The following IGF2BP1 variants were observed in gnomAD, a reference collection of about 807,000 sequenced individuals.
IGF2BP1 encodes insulin-like growth factor 2 mRNA-binding protein 1.
Under a neutral mutation model 74.9 loss-of-function variants are expected in IGF2BP1, and 11 were observed. That is an observed-to-expected ratio of 0.15 (90% CI 0.09 to 0.24). The LOEUF is 0.24. Ranked by LOEUF, IGF2BP1 falls within the 10% of genes least tolerant of loss-of-function variation. The pLI, the probability that IGF2BP1 is intolerant of heterozygous loss-of-function variation, is 1.00. For missense variants in IGF2BP1, 440 were observed against 757.4 expected (o/e 0.58, Z 4.92); for synonymous variants, 287 against 281.8 (o/e 1.02, Z -0.18).
At position 49,042,342 on chromosome 17, in the gene IGF2BP1, C is replaced by G. The variant is rs771227164; in HGVS notation, c.1042C>G (p.Arg348Gly). ...RAEQEIMKKV[R>G]EAYENDVAAM... is the part of the protein sequence containing the mutation. ...CGAGCAGGAAATAATGAAGAAAGTT[C>G]GGGAGGCCTATGAGAATGATGTGGC... Residue 348 changes from arginine to glycine, a missense_variant, in exon 9 of 15, where the codon CGG becomes GGG. By Grantham distance (125) the Arg-to-Gly change is moderately radical. Coordinates refer to ENST00000290341, the MANE Select transcript of IGF2BP1 (RefSeq NM_006546.4). The G allele has an allele frequency of 6.2e-7, 1 of 1,613,886 alleles. No homozygotes were observed. The highest frequency in any genetic ancestry group is 8.5e-7 in the Non-Finnish European group (1 of 1,179,982).
At chr17:49,012,280 C>A (rs2041628775) in intron 2 of IGF2BP1, among the ~76,000 whole-genome samples, 1 of 152,136 alleles carries the variant, frequency 6.6e-6, no homozygotes, top group Non-Finnish European at 1.5e-5. Context: ...AATGGGAATT[C>A]TGTTGGAATG....
rs767367618 is a variant in IGF2BP1 at position 49,043,389 on chromosome 17, A to G, written c.1078-39A>G. The G allele has an allele frequency of 2.0e-5, 32 of 1,610,540 alleles. No homozygotes were observed. In the South Asian group the frequency reaches 3.4e-4, roughly 17 times the overall value. ...CGGGGGTCACACACAAGCCCCTGTC[A>G]GGGTGTGCTGACTCTTCCTCCTCAT... On this transcript the variant is annotated intron_variant, in intron 9 of 14. Coordinates refer to ENST00000290341, the MANE Select transcript of IGF2BP1 (RefSeq NM_006546.4).
chr17:49,041,702 C>T (rs951863012), intron 8 of IGF2BP1, among the ~76,000 whole-genome samples: 11 of 152,196 alleles, frequency 7.2e-5, no homozygotes, highest in Admixed American at 7.2e-4. Context: ...CCATATGGGG[C>T]AGGGGTGTTG....
intron 1 of IGF2BP1, among the ~76,000 whole-genome samples, chr17:48,998,763 G>A (rs2143900063): frequency 6.6e-6 from 1 of 152,318 alleles, no homozygotes; most frequent in South Asian, 2.1e-4. Flanking sequence ...GGAACGGGGA[G>A]CCCTTTCTTT....
At chr17:49,023,341 C>T (rs1050129117) in intron 2 of IGF2BP1, among the ~76,000 whole-genome samples, 1 of 152,200 alleles carries the variant, frequency 6.6e-6, no homozygotes. Context: ...CCTTCTTTCC[C>T]CATTATTTCA....
Position 49,051,460 on chromosome 17 carries a change from C to G in IGF2BP1, c.*2016C>G, listed in dbSNP as rs2042165917. ...CTTGTTTGGCCCTGATCTCTGACTT[C>G]TAGAGCCCCAGCTGCTGGCGGCTGC... On this transcript the variant is annotated 3_prime_UTR_variant, in exon 15 of 15. Coordinates refer to ENST00000290341, the MANE Select transcript of IGF2BP1 (RefSeq NM_006546.4). 1 of 152,556 alleles carries G rather than the reference C, an allele frequency of 6.6e-6. No homozygotes were observed. Among genetic ancestry groups the G allele is most frequent in the African/African-American group, 2.4e-5 (1 of 41,438 alleles). 9.5% of individuals were successfully genotyped at this position (152,556 alleles called of 1,614,324 possible). A position where few individuals can be genotyped will look rare whatever the true frequency, so the allele number is the denominator to read the frequency against.
At chr17:49,022,235 G>T (rs1049398580) in intron 2 of IGF2BP1, among the ~76,000 whole-genome samples, 3 of 152,184 alleles carry the variant, frequency 2.0e-5, no homozygotes, top group African/African-American at 7.2e-5. Context: ...CCTTCTCTAA[G>T]TGTTTGTGGA....
intron 2 of IGF2BP1, among the ~76,000 whole-genome samples, chr17:49,022,280 G>A (rs2041801899): frequency 6.6e-6 from 1 of 152,168 alleles, no homozygotes; most frequent in Non-Finnish European, 1.5e-5. Flanking sequence ...AGGGAATACG[G>A]GTTACAGTGA....
At chr17:49,003,182 A>C (rs941654968) in intron 2 of IGF2BP1, among the ~76,000 whole-genome samples, 1 of 152,234 alleles carries the variant, frequency 6.6e-6, no homozygotes, top group African/African-American at 2.4e-5. Flanking sequence ...AATACATGAC[A>C]TTAGCAATTG....
intron 5 of IGF2BP1, among the ~76,000 whole-genome samples, chr17:49,037,881 G>C (rs2042007227): frequency 2.0e-5 from 3 of 152,104 alleles, no homozygotes; most frequent in Admixed American, 2.0e-4. Context: ...ACTTTCTATT[G>C]GACTGGAAGC....
At position 49,041,509 on chromosome 17, in the gene IGF2BP1, C is replaced by G. The variant is rs1275315099; in HGVS notation, c.941+9C>G. 7 of 1,614,044 alleles carry G rather than the reference C, an allele frequency of 4.3e-6. No homozygotes were observed. The highest frequency in any genetic ancestry group is 5.1e-6 in the Non-Finnish European group (6 of 1,179,956). On this transcript the variant is annotated intron_variant, in intron 8 of 14. Transcript: ENST00000290341. ...AAAATCACCATCTCCTCGTAAGGCT[C>G]TCTTCTATTTCCCTGTTTATGAGTG...
chr17:49,008,570 T>C, intron 2 of IGF2BP1, among the ~76,000 whole-genome samples: 1 of 152,210 alleles, frequency 6.6e-6, no homozygotes, highest in East Asian at 1.9e-4. Flanking sequence ...GTTCCACTCT[T>C]CTACCCTTTC....
At chr17:48,996,707 C>T (rs1371424973), upstream of IGF2BP1, among the ~76,000 whole-genome samples, 2 of 152,214 alleles carry the variant, frequency 1.3e-5, no homozygotes, top group Non-Finnish European at 2.9e-5. Flanking sequence ...GCGAACCACC[C>T]TTTCTCCCGT....
rs747314882 is a variant in IGF2BP1 at position 49,031,947 on chromosome 17, C to A, written c.375C>A (p.Thr125=). ...TESETAVVNV[T]YSNREQTRQA... Reference sequence around the variant, plus strand: ...GTGAGACGGCAGTGGTGAATGTCACCTATTCCAACCGGGAGCAGACCAGGC... The same window carrying A: ...GTGAGACGGCAGTGGTGAATGTCACATATTCCAACCGGGAGCAGACCAGGC... The change falls in exon 5 of 15, where the codon ACC becomes ACA. Residue 125 remains threonine (T), a synonymous_variant. Transcript: ENST00000290341. 6.2e-7 allele frequency: 1 copy of A among 1,612,562 alleles called. No individual in the cohort carries two copies. Among genetic ancestry groups the A allele is most frequent in the Admixed American group, 1.7e-5 (1 of 59,920 alleles).
intron 2 of IGF2BP1, among the ~76,000 whole-genome samples, chr17:49,003,808 G>A (rs1274861347): frequency 1.5e-5 from 2 of 135,112 alleles, no homozygotes; most frequent in Non-Finnish European, 3.2e-5. Context: ...GGAGGGAGGG[G>A]AGATACGGGG....
In IGF2BP1 at chr17:49,007,683, C is replaced by G. The variant is rs189294459; in HGVS notation, c.236+8514C>G. Reference sequence around the variant, plus strand: ...GGGCTCGTCAACTTTCCATTCGGGACTCTGAGGAAGAGAAAATGAGGGAGA... The same window carrying G: ...GGGCTCGTCAACTTTCCATTCGGGAGTCTGAGGAAGAGAAAATGAGGGAGA... On this transcript the variant is annotated intron_variant, in intron 2 of 14. Coordinates refer to ENST00000290341, the MANE Select transcript of IGF2BP1 (RefSeq NM_006546.4). Among the ~76,000 whole-genome samples, 4 of 152,254 alleles carry G rather than the reference C, an allele frequency of 2.6e-5. No homozygotes were observed. In the East Asian group the frequency reaches 7.7e-4, roughly 29 times the overall value.
intron 8 of IGF2BP1, 84 bp downstream of exon 8, chr17:49,041,584 G>A: frequency 1.9e-6 from 3 of 1,543,142 alleles, no homozygotes; most frequent in Non-Finnish European, 2.7e-6. Flanking sequence ...ACCTTGATAT[G>A]TGCTCTTTTA....
In IGF2BP1 at chr17:48,997,554, C is replaced by T; in HGVS notation, c.-192C>T. 5.0e-6 allele frequency: 3 copies of T among 600,382 alleles called. No individual in the cohort carries two copies. The highest frequency in any genetic ancestry group is 5.8e-6 in the Non-Finnish European group (2 of 343,456). 37.2% of individuals were successfully genotyped at this position (600,382 alleles called of 1,614,324 possible). On this transcript the variant is annotated 5_prime_UTR_variant, in exon 1 of 15. Transcript: ENST00000290341. This position sits in a 1 kb window ranked among gnomAD's most constrained non-coding sequence, Gnocchi z 4.8. ...GCACTTCTCCTGGGCTCTCCCCGAA[C>T]TCTCCCGCGACCTCTGCGCGCCCTC...
At chr17:49,019,995 T>TAC (rs1172777163) in intron 2 of IGF2BP1, among the ~76,000 whole-genome samples, 61 of 47,912 alleles carry the variant, frequency 1.3e-3, no homozygotes, top group African/African-American at 1.8e-3. Context: ...CACATATATA[T>TAC]ACACACACAC....
Sources: gnomAD v4.1 joint callset for allele counts (sites outside exome capture counted in the v4.1 genomes callset) on GRCh38, gnomAD v4.1.1 for gene constraint, Gnocchi (gnomAD v3.1) non-coding constraint, MANE v1.5 for transcripts, NCBI Gene and HGNC (gene_info 2026-07-23, HGNC 2026-07-21) for gene names.